GAS2: variants seen among roughly 807,000 people sequenced by gnomAD.
GAS2 encodes growth arrest specific 2, also known as growth arrest-specific protein 2.
GAS2 carries 20 observed loss-of-function variants against 37.5 expected under a neutral mutation model. The ratio of observed to expected loss-of-function variants is 0.53; its 90% CI spans 0.37 to 0.77. GAS2 has a LOEUF of 0.77. GAS2 is among the 30% of genes least tolerant of loss of function. The pLI is 0.00. For missense variants in GAS2, 336 were observed against 373.4 expected (o/e 0.90, Z 0.82); for synonymous variants, 144 against 132.2 (o/e 1.09, Z -0.61).
At chr11:22,781,378 A>T (rs1855548319) in intron 7 of GAS2, among the ~76,000 whole-genome samples, 1 of 152,190 alleles carries the variant, frequency 6.6e-6, no homozygotes, top group Admixed American at 6.5e-5. Context: ...CTATTTCCTG[A>T]CATGTTCCCG....
chr11:22,647,358 T>C (rs1239718101), intron 1 of GAS2, among the ~76,000 whole-genome samples: 2 of 152,176 alleles, frequency 1.3e-5, no homozygotes, highest in Admixed American at 6.5e-5. Flanking sequence ...GTCTTTGCTA[T>C]TGTGAATAAT....
At chr11:22,715,316 C>T (rs1030866806) in intron 3 of GAS2, among the ~76,000 whole-genome samples, 1 of 151,472 alleles carries the variant, frequency 6.6e-6, no homozygotes, top group African/African-American at 2.4e-5. Context: ...CAAAAATTAG[C>T]CAAGTGTGGT....
At position 22,735,147 on chromosome 11, in the gene GAS2, C is replaced by A. The variant is rs1182408507; in HGVS notation, c.410-2558C>A. Among the ~76,000 whole-genome samples the A allele has an allele frequency of 2.0e-5, 3 of 150,464 alleles. No homozygotes were observed. The Admixed American group carries it at 2.0e-4, about 10-fold the overall frequency. ...AGGCATTGTAGTCACTAAGTCCTTT[C>A]TCTGTTCTAAGTATTGCATTAAGTT... On this transcript the variant is annotated intron_variant, in intron 4 of 7. Coordinates refer to ENST00000454584, the MANE Select transcript of GAS2 (RefSeq NM_001143830.3).
chr11:22,675,959 G>A (rs1205509163), intron 2 of GAS2, among the ~76,000 whole-genome samples: 1 of 152,072 alleles, frequency 6.6e-6, no homozygotes. Flanking sequence ...TTTTATCAGG[G>A]TTTTGCTTGC....
At chr11:22,652,556 T>C (rs1479627624) in intron 1 of GAS2, among the ~76,000 whole-genome samples, 1 of 152,194 alleles carries the variant, frequency 6.6e-6, no homozygotes, top group Non-Finnish European at 1.5e-5. Flanking sequence ...CAGACTGCTG[T>C]ACTAGCAATC....
At chr11:22,650,972 T>C (rs1254642104) in intron 1 of GAS2, among the ~76,000 whole-genome samples, 1 of 152,290 alleles carries the variant, frequency 6.6e-6, no homozygotes, top group East Asian at 1.9e-4. Context: ...TGATGTTAGC[T>C]GGTTATTTTG....
chr11:22,716,667 A>T (rs1330130522), intron 3 of GAS2, among the ~76,000 whole-genome samples: 2 of 151,982 alleles, frequency 1.3e-5, no homozygotes, highest in African/African-American at 2.4e-5. Flanking sequence ...AGAAAAAAAG[A>T]AATAAAGGAC....
At chr11:22,653,153 C>T (rs1023881407) in intron 1 of GAS2, among the ~76,000 whole-genome samples, 1 of 151,444 alleles carries the variant, frequency 6.6e-6, no homozygotes, top group Non-Finnish European at 1.5e-5. Flanking sequence ...CTCCTCTCCT[C>T]CTGCTTTTTC....
At position 22,645,431 on chromosome 11, in the gene GAS2, C is replaced by T. The variant is rs546413802; in HGVS notation, c.-21+19618C>T. 5.9e-5 allele frequency among the ~76,000 whole-genome samples: 9 copies of T among 152,122 alleles called. No homozygotes were observed. In the South Asian group the frequency reaches 6.2e-4, roughly 11 times the overall value. On this transcript the variant is annotated intron_variant, in intron 1 of 5. Coordinates refer to the GAS2 transcript ENST00000528582. ...CTGAGGCACTAGAATCGCTTGAACC[C>T]GGGAGGCAGAGGCTGCAGTGAGCTG...
At chr11:22,716,190 C>T (rs1301072336) in intron 3 of GAS2, among the ~76,000 whole-genome samples, 1 of 152,092 alleles carries the variant, frequency 6.6e-6, no homozygotes, top group Non-Finnish European at 1.5e-5. Flanking sequence ...AGGGACATAC[C>T]TTAAGTTAAT....
chr11:22,720,100 A>C (rs1851877255), intron 3 of GAS2, among the ~76,000 whole-genome samples: 1 of 152,072 alleles, frequency 6.6e-6, no homozygotes, highest in Admixed American at 6.6e-5. Flanking sequence ...TTAAGTGATT[A>C]ATTTCATGAT....
chr11:22,636,960 TTAA>T (rs1372152951), intron 1 of GAS2, among the ~76,000 whole-genome samples: 6 of 141,562 alleles, frequency 4.2e-5, no homozygotes, highest in African/African-American at 1.5e-4. Context: ...ATTGTTACTA[TTAA>T]TGATATTTAT....
intron 3 of GAS2, among the ~76,000 whole-genome samples, chr11:22,701,543 A>G (rs935940498): frequency 1.3e-5 from 2 of 152,040 alleles, no homozygotes. Flanking sequence ...AATAGTTCGG[A>G]AAGGGCTGGG....
At chr11:22,739,920 T>G (rs1197832439) in intron 5 of GAS2, among the ~76,000 whole-genome samples, 8 of 151,942 alleles carry the variant, frequency 5.3e-5, no homozygotes, top group Non-Finnish European at 1.2e-4. Flanking sequence ...TTCCTCCCAT[T>G]TAAGTTTATA....
chr11:22,748,665 A>G (rs1408258131), intron 5 of GAS2, among the ~76,000 whole-genome samples: 1 of 152,092 alleles, frequency 6.6e-6, no homozygotes, highest in East Asian at 1.9e-4. Flanking sequence ...TTTCTGCTAA[A>G]TCATTTAAAG....
chr11:22,726,277 T>C lies in GAS2; in HGVS notation c.268-15T>C, dbSNP rs1289647104. ...TTGACAGATTTCTCCTAGAACGAAT[T>C]TCTTTATTTTTCAGAATCTACCGTT... On this transcript the variant is annotated splice_polypyrimidine_tract_variant and intron_variant, in intron 3 of 7. Coordinates refer to ENST00000454584, the MANE Select transcript of GAS2 (RefSeq NM_001143830.3). 1 of 1,583,376 alleles carries C rather than the reference T, an allele frequency of 6.3e-7. No homozygotes were observed. The highest frequency in any genetic ancestry group is 2.0e-5 in the Admixed American group (1 of 49,056).
chr11:22,767,502 C>T (rs894832313), intron 7 of GAS2, among the ~76,000 whole-genome samples: 7 of 152,070 alleles, frequency 4.6e-5, no homozygotes, highest in Non-Finnish European at 8.8e-5. Flanking sequence ...CTGTAGACAT[C>T]CTGACAAGGA....
intron 3 of GAS2, among the ~76,000 whole-genome samples, chr11:22,715,932 A>T (rs1851657002): frequency 6.6e-6 from 1 of 152,190 alleles, no homozygotes; most frequent in Non-Finnish European, 1.5e-5. Flanking sequence ...ATGACCATAG[A>T]TGAAAAAATC....
intron 1 of GAS2, among the ~76,000 whole-genome samples, chr11:22,631,946 CTTTTT>C (rs35928910): frequency 1.3e-4 from 11 of 82,968 alleles, no homozygotes; most frequent in African/African-American, 1.7e-4. Flanking sequence ...TGGCCCTGGA[CTTTTT>C]TTTTTTTTTT....
Sources: allele counts gnomAD v4.1 joint callset (sites outside exome capture counted in the v4.1 genomes callset), GRCh38; gene constraint gnomAD v4.1.1; transcripts MANE v1.5; gene names NCBI Gene and HGNC (gene_info 2026-07-23, HGNC 2026-07-21).